The following PRDM16 variants were observed in gnomAD, a reference collection of about 807,000 sequenced individuals.
The protein encoded by PRDM16 is PR/SET domain 16.
In PRDM16, 23 loss-of-function variants were observed where a neutral mutation model predicts 110.6. The ratio of observed to expected loss-of-function variants is 0.21; its 90% CI spans 0.15 to 0.29. PRDM16 has a LOEUF of 0.29. Ranked by LOEUF, PRDM16 falls within the 10% of genes least tolerant of loss-of-function variation. The pLI, the probability that PRDM16 is intolerant of heterozygous loss-of-function variation, is 1.00. For synonymous variants in PRDM16, 799 were observed against 781.8 expected, an observed-to-expected ratio of 1.02 and a Z score of -0.37; for missense variants, 1,615 against 1,794.3, an observed-to-expected ratio of 0.90 and a Z score of 1.81.
At chr1:3,313,191 C>T (rs1641507054) in intron 3 of PRDM16, among the ~76,000 whole-genome samples, 1 of 152,222 alleles carries the variant, frequency 6.6e-6, no homozygotes, top group Non-Finnish European at 1.5e-5. Context: ...ATCCACAGGC[C>T]GGCTGCCCAC....
intron 3 of PRDM16, among the ~76,000 whole-genome samples, chr1:3,317,503 G>A (rs1005864243): frequency 2.0e-5 from 3 of 152,118 alleles, no homozygotes; most frequent in Non-Finnish European, 4.4e-5. Context: ...CCAGGTCTGG[G>A]GATCTTTGGG....
chr1:3,269,284 C>T (rs1002563080), intron 3 of PRDM16, among the ~76,000 whole-genome samples: 2 of 150,904 alleles, frequency 1.3e-5, no homozygotes, highest in Non-Finnish European at 3.0e-5. Flanking sequence ...CGGGGAGAAG[C>T]GCAGCCCAGA....
chr1:3,170,859 C>T (rs1557499780), intron 1 of PRDM16, among the ~76,000 whole-genome samples: 1 of 152,254 alleles, frequency 6.6e-6, no homozygotes, highest in African/African-American at 2.4e-5. Flanking sequence ...GTCGGGAGCC[C>T]ATGGCCTTCT....
chr1:3,131,755 G>GC (rs967036263), intron 1 of PRDM16, among the ~76,000 whole-genome samples: 16 of 152,150 alleles, frequency 1.1e-4, no homozygotes, highest in African/African-American at 3.6e-4. Context: ...GCAGCTCCAG[G>GC]CCCCGCAAAC....
intron 1 of PRDM16, among the ~76,000 whole-genome samples, chr1:3,099,497 T>TG (rs1226191514): frequency 2.0e-5 from 3 of 151,986 alleles, no homozygotes; most frequent in African/African-American, 4.8e-5. Context: ...ACAAGGCCGG[T>TG]GGGGGGCAAG....
At chr1:3,343,863 A>T (rs1486980947) in intron 3 of PRDM16, among the ~76,000 whole-genome samples, 1 of 152,048 alleles carries the variant, frequency 6.6e-6, no homozygotes, top group Non-Finnish European at 1.5e-5. Context: ...GGATGGTCTC[A>T]ATCTCCTGAC....
chr1:3,277,775 A>ATG (rs1459048262), intron 3 of PRDM16, among the ~76,000 whole-genome samples: 5 of 106,042 alleles, frequency 4.7e-5, no homozygotes, highest in African/African-American at 3.5e-4. Flanking sequence ...GCGCACACAC[A>ATG]CGCACACATA....
chr1:3,103,275 T>C (rs1642573390), intron 1 of PRDM16, among the ~76,000 whole-genome samples: 1 of 152,210 alleles, frequency 6.6e-6, no homozygotes, highest in Non-Finnish European at 1.5e-5. Flanking sequence ...AGGCCCCTCT[T>C]GGGCCCTGTC....
At chr1:3,386,096 C>G (rs1271889154) in intron 4 of PRDM16, among the ~76,000 whole-genome samples, 1 of 152,216 alleles carries the variant, frequency 6.6e-6, no homozygotes, top group Non-Finnish European at 1.5e-5. Context: ...CAAGCCAGGC[C>G]TCCCGGGCGG....
intron 1 of PRDM16, among the ~76,000 whole-genome samples, chr1:3,137,165 G>A (rs1438138836): frequency 2.0e-5 from 3 of 152,228 alleles, no homozygotes; most frequent in African/African-American, 4.8e-5. Flanking sequence ...GACCCTGGCT[G>A]CCTCCGGCAT....
intron 3 of PRDM16, among the ~76,000 whole-genome samples, chr1:3,378,372 G>T (rs972068709): frequency 1.3e-5 from 2 of 152,128 alleles, no homozygotes; most frequent in African/African-American, 4.8e-5. Context: ...CCGGGACCTG[G>T]GACTGCCCAG....
At chr1:3,252,685 C>G (rs1300962348) in intron 3 of PRDM16, among the ~76,000 whole-genome samples, 1 of 152,016 alleles carries the variant, frequency 6.6e-6, no homozygotes, top group Admixed American at 6.5e-5. Context: ...ATCCCGGGCT[C>G]GTGTTCCATG....
chr1:3,221,722 CACACAT>C (rs901493100), intron 2 of PRDM16, among the ~76,000 whole-genome samples: 24 of 152,348 alleles, frequency 1.6e-4, no homozygotes, highest in African/African-American at 5.8e-4. Flanking sequence ...CACGCATGCA[CACACAT>C]ACACATGCAC....
At chr1:3,177,429 C>T (rs1024473145) in intron 1 of PRDM16, among the ~76,000 whole-genome samples, 5 of 152,224 alleles carry the variant, frequency 3.3e-5, no homozygotes, top group African/African-American at 1.2e-4. Context: ...TTGAACATCT[C>T]CCAGCTCGTT....
At chr1:3,135,106 C>T (rs993735031) in intron 1 of PRDM16, among the ~76,000 whole-genome samples, 2 of 152,212 alleles carry the variant, frequency 1.3e-5, no homozygotes, top group Non-Finnish European at 2.9e-5. Context: ...CTCGGGAGCT[C>T]GCTCTTTATT....
intron 3 of PRDM16, among the ~76,000 whole-genome samples, chr1:3,262,905 G>A (rs374214282): frequency 5.9e-5 from 9 of 152,132 alleles, no homozygotes; most frequent in African/African-American, 1.9e-4. Flanking sequence ...GTGTGCTGCC[G>A]CGACGGTGCT....
In PRDM16 at chr1:3,435,977, T is replaced by C. The variant is rs1065247; in HGVS notation, c.*2166T>C. 0.79 allele frequency: 181,899 copies of C among 230,694 alleles called. 72,422 individuals are homozygous for C. Among genetic ancestry groups the C allele is most frequent in the Non-Finnish European group, 0.83 (97,077 of 116,530 alleles). The allele number at this position is 230,694 out of a possible 1,614,324, so 14.3% of individuals were successfully genotyped here. On this transcript the variant is annotated 3_prime_UTR_variant, in exon 17 of 17. Coordinates refer to ENST00000270722, the MANE Select transcript of PRDM16 (RefSeq NM_022114.4). ...GGGAGCTGCCTGCAGAAGAGCCAGC[T>C]GGCGTGTCGGGAAGGATCCAGGATC...
intron 1 of PRDM16, among the ~76,000 whole-genome samples, chr1:3,152,351 TCC>T (rs1482445808): frequency 1.4e-3 from 5 of 3,672 alleles, no homozygotes; most frequent in South Asian, 0.01. Context: ...TATGCATTCA[TCC>T]ATCCATCCAT....
intron 3 of PRDM16, among the ~76,000 whole-genome samples, chr1:3,364,100 A>C (rs1642766760): frequency 6.6e-6 from 1 of 152,126 alleles, no homozygotes; most frequent in Non-Finnish European, 1.5e-5. Flanking sequence ...CTGCTGGATG[A>C]GATGCAAAGT....
Sources: allele counts gnomAD v4.1 joint callset (sites outside exome capture counted in the v4.1 genomes callset), GRCh38; gene constraint gnomAD v4.1.1; transcripts MANE v1.5; gene names NCBI Gene and HGNC (gene_info 2026-07-23, HGNC 2026-07-21).